Variants in MELK observed in about 807,000 individuals in gnomAD.
MELK encodes the protein maternal embryonic leucine zipper kinase.
A neutral mutation model predicts 85.0 loss-of-function variants in MELK; 81 were observed. The observed-to-expected ratio is 0.95, with a 90% CI of 0.80 to 1.15. The LOEUF (loss-of-function observed/expected upper bound fraction) is 1.15, where lower values mean the gene tolerates loss of function less well. Among genes scored for constraint, MELK ranks in the 50% most tolerant of loss-of-function variants. MELK has a pLI of 0.00. For synonymous variants in MELK, 252 were observed against 265.0 expected (o/e 0.95, Z 0.48); for missense variants, 754 against 777.5 (o/e 0.97, Z 0.36).
intron 8 of MELK, among the ~76,000 whole-genome samples, chr9:36,610,019 T>TCCCC (rs1825934891): frequency 6.6e-6 from 1 of 152,024 alleles, no homozygotes; most frequent in Non-Finnish European, 1.5e-5. Context: ...GAGCAGGTCT[T>TCCCC]TAAAAGAAGG....
At chr9:36,575,384 A>G (rs1821553599) in intron 1 of MELK, among the ~76,000 whole-genome samples, 1 of 152,228 alleles carries the variant, frequency 6.6e-6, no homozygotes, top group Admixed American at 6.5e-5. Context: ...AGGGCACATG[A>G]GAATATTTAG....
intron 9 of MELK, among the ~76,000 whole-genome samples, chr9:36,631,123 C>T (rs1056833011): frequency 4.0e-5 from 6 of 151,870 alleles, no homozygotes; most frequent in African/African-American, 1.5e-4. Context: ...GCCACTATGC[C>T]TGGCTAGTTT....
At chr9:36,647,999 A>G (rs566534500) in intron 11 of MELK, among the ~76,000 whole-genome samples, 1 of 152,300 alleles carries the variant, frequency 6.6e-6, no homozygotes, top group East Asian at 1.9e-4. Flanking sequence ...CTTTTGAGTC[A>G]TGTACTTTGT....
At chr9:36,597,316 A>G (rs367834942) in intron 6 of MELK, 26 bp downstream of exon 6, 65 of 1,577,228 alleles carry the variant, frequency 4.1e-5, no homozygotes, top group South Asian at 5.6e-5. Context: ...AGATGCATCT[A>G]TGTTCTTTGT....
intron 11 of MELK, among the ~76,000 whole-genome samples, chr9:36,646,924 A>G (rs73645812): frequency 0.018 from 2,717 of 152,332 alleles, 76 homozygotes; most frequent in African/African-American, 0.059. Flanking sequence ...AGGTAACCCT[A>G]TCACTTTACT....
At chr9:36,650,088 C>T (rs893036329) in intron 11 of MELK, among the ~76,000 whole-genome samples, 4 of 151,790 alleles carry the variant, frequency 2.6e-5, no homozygotes, top group Admixed American at 6.6e-5. Flanking sequence ...GGACTACAGG[C>T]GCCCACTACC....
chr9:36,640,384 C>CGTG (rs1829648775), intron 10 of MELK, among the ~76,000 whole-genome samples: 1 of 152,118 alleles, frequency 6.6e-6, no homozygotes, highest in Admixed American at 6.6e-5. Flanking sequence ...TGTGTCCTCA[C>CGTG]GTGGTGGAAC....
rs539523829 is a variant in MELK, at chr9:36,592,767, A to T, written c.262-1861A>T. Among the ~76,000 whole-genome samples the T allele has an allele frequency of 2.6e-5, 4 of 152,198 alleles. No homozygotes were observed. The East Asian group carries it at 7.7e-4, about 29-fold the overall frequency. Reference sequence around the variant, plus strand: ...AAGTAGGCTGTTTTCTTTTTGTAAAACTTACTGTATAACATTAAAACATTT... The same window carrying T: ...AAGTAGGCTGTTTTCTTTTTGTAAATCTTACTGTATAACATTAAAACATTT... On this transcript the variant is annotated intron_variant, in intron 4 of 17. Transcript: ENST00000298048.
intron 10 of MELK, among the ~76,000 whole-genome samples, chr9:36,642,677 C>T (rs1829866655): frequency 6.6e-6 from 1 of 152,000 alleles, no homozygotes; most frequent in Non-Finnish European, 1.5e-5. Context: ...GATCTGCCCG[C>T]CCCAGCCTCC....
chr9:36,588,541 G>A (rs966922601), intron 3 of MELK, among the ~76,000 whole-genome samples: 1 of 151,406 alleles, frequency 6.6e-6, no homozygotes, highest in African/African-American at 2.4e-5. Context: ...CACCATGCCT[G>A]GCTAATTTTA....
chr9:36,588,251 G>A (rs190257380), intron 3 of MELK, among the ~76,000 whole-genome samples: 2 of 144,684 alleles, frequency 1.4e-5, no homozygotes, highest in Non-Finnish European at 3.0e-5. Context: ...TGTGTTTTTA[G>A]TAGAGACGGG....
At chr9:36,592,452 C>T (rs1485579809) in intron 4 of MELK, among the ~76,000 whole-genome samples, 4 of 152,104 alleles carry the variant, frequency 2.6e-5, no homozygotes, top group Non-Finnish European at 4.4e-5. Flanking sequence ...CTCGGGATTA[C>T]AGGAGTGAGC....
chr9:36,592,139 A>G (rs1192672415), intron 4 of MELK, among the ~76,000 whole-genome samples: 2 of 150,820 alleles, frequency 1.3e-5, no homozygotes, highest in African/African-American at 4.9e-5. Flanking sequence ...GGCGTGAGCA[A>G]CTATGCCCCA....
chr9:36,642,617 T>G (rs1829861663), intron 10 of MELK, among the ~76,000 whole-genome samples: 1 of 151,766 alleles, frequency 6.6e-6, no homozygotes, highest in African/African-American at 2.4e-5. Flanking sequence ...TTAGTAGAGA[T>G]GGGGTTTCAC....
intron 13 of MELK, 42 bp from the exon 14 acceptor site, chr9:36,665,308 T>G: frequency 7.9e-7 from 1 of 1,272,598 alleles, no homozygotes; most frequent in Non-Finnish European, 1.1e-6. Context: ...AAATTGACTT[T>G]TCTTCTTCAG....
chr9:36,661,928 C>G (rs942150618), intron 13 of MELK, among the ~76,000 whole-genome samples: 10 of 147,410 alleles, frequency 6.8e-5, no homozygotes, highest in Non-Finnish European at 1.5e-4. Flanking sequence ...CAGAGCGAGA[C>G]TCCGTCTCAA....
chr9:36,594,735 G>A lies in MELK; in HGVS notation c.369G>A (p.Val123=), dbSNP rs1183950537. Residue 123 remains valine, a synonymous_variant, in exon 5 of 18, where the codon GTG becomes GTA. Coordinates refer to ENST00000298048, the MANE Select transcript of MELK (RefSeq NM_014791.4). Reference sequence around the variant, plus strand: ...AGATAGTATCTGCTGTTGCTTATGTGCACAGCCAGGGCTATGCTCACAGGG... The same window carrying A: ...AGATAGTATCTGCTGTTGCTTATGTACACAGCCAGGGCTATGCTCACAGGG... ...FRQIVSAVAY[V]HSQGYAHRDL... 2.5e-6 allele frequency: 4 copies of A among 1,613,894 alleles called. No homozygotes were observed. The African/African-American group carries it at 5.3e-5, about 22-fold the overall frequency.
chr9:36,608,032 G>A (rs1825724047), intron 8 of MELK, among the ~76,000 whole-genome samples: 1 of 152,072 alleles, frequency 6.6e-6, no homozygotes, highest in South Asian at 2.1e-4. Flanking sequence ...TGTAATCCCA[G>A]CACTTTGGGA....
At chr9:36,624,394 C>T (rs1373641048) in intron 8 of MELK, among the ~76,000 whole-genome samples, 6 of 152,138 alleles carry the variant, frequency 3.9e-5, no homozygotes, top group African/African-American at 1.4e-4. Flanking sequence ...TCTTAGGAAA[C>T]AGGGCCAGAG....
Sources: allele counts gnomAD v4.1 joint callset (sites outside exome capture counted in the v4.1 genomes callset), GRCh38; gene constraint gnomAD v4.1.1; transcripts MANE v1.5; gene names NCBI Gene and HGNC (gene_info 2026-07-23, HGNC 2026-07-21).